Variants in SYN3 observed in about 807,000 individuals in gnomAD.
SYN3 encodes synapsin III, also known as synapsin-3.
A neutral mutation model predicts 65.8 loss-of-function variants in SYN3; 35 were observed. The observed-to-expected ratio is 0.53, with a 90% CI of 0.41 to 0.70. The LOEUF is 0.70. Ranked by LOEUF, SYN3 falls within the 30% of genes least tolerant of loss-of-function variation. The probability of loss-of-function intolerance (pLI) is 0.00; values close to 1 mark genes in which losing one functional copy is unlikely to be tolerated. For missense variants in SYN3, 680 were observed against 749.0 expected (o/e 0.91, Z 1.08); for synonymous variants, 270 against 292.9 (o/e 0.92, Z 0.80).
intron 6 of SYN3, among the ~76,000 whole-genome samples, chr22:32,663,931 T>A (rs1206585112): frequency 7.4e-6 from 1 of 135,430 alleles, no homozygotes; most frequent in Non-Finnish European, 1.5e-5. Flanking sequence ...TTAACAGCAT[T>A]CCCCCCCCAC....
chr22:33,043,030 T>C (rs1399365852), intron 1 of SYN3, among the ~76,000 whole-genome samples: 4 of 151,928 alleles, frequency 2.6e-5, no homozygotes, highest in South Asian at 2.1e-4. Context: ...GGAAGAAAAA[T>C]AGAAAGTTTC....
At chr22:32,741,419 G>T (rs567314847) in intron 6 of SYN3, among the ~76,000 whole-genome samples, 1 of 142,610 alleles carries the variant, frequency 7.0e-6, no homozygotes, top group African/African-American at 2.6e-5. Context: ...GCAGTGGCGT[G>T]ATCTCAGCTC....
chr22:32,819,093 AG>A, intron 6 of SYN3, among the ~76,000 whole-genome samples: 1 of 152,366 alleles, frequency 6.6e-6, no homozygotes, highest in Admixed American at 6.5e-5. Flanking sequence ...CCACTTGGCC[AG>A]GGGGTCACAG....
chr22:32,910,177 G>A (rs2050015820), intron 4 of SYN3, among the ~76,000 whole-genome samples: 1 of 152,138 alleles, frequency 6.6e-6, no homozygotes, highest in Admixed American at 6.5e-5. Flanking sequence ...AAATGAATGG[G>A]TTAGGCTAGC....
At position 32,511,738 on chromosome 22, in the gene SYN3, C is replaced by T. The variant is rs2057693638; in HGVS notation, c.*1954G>A. Among the ~76,000 whole-genome samples, 5 of 152,192 alleles carry T rather than the reference C, an allele frequency of 3.3e-5. 1 individual carries two copies. The South Asian group carries it at 1.0e-3, about 31-fold the overall frequency. On this transcript the variant is annotated 3_prime_UTR_variant, in exon 14 of 14. Coordinates refer to ENST00000358763, the MANE Select transcript of SYN3 (RefSeq NM_003490.4). ...GCCTGAGCCTACCAGTCTCCAGCTGCCAAATTATGGCTCCCAATAGTCACT... is the reference window on the plus strand; with the variant it reads ...GCCTGAGCCTACCAGTCTCCAGCTGTCAAATTATGGCTCCCAATAGTCACT...
rs371129732 is a variant in SYN3, at chr22:32,685,105, G to A, written c.712-88369C>T. Among the ~76,000 whole-genome samples, 499 of 152,140 alleles carry A rather than the reference G, an allele frequency of 3.3e-3. 2 individuals carry two copies. The highest frequency in any genetic ancestry group is 0.011 in the African/African-American group (462 of 41,500). On this transcript the variant is annotated intron_variant, in intron 6 of 13. Transcript: ENST00000358763. Reference sequence around the variant, plus strand: ...GAGCCAGGTGACAGACTTTATGGCCGGCAAGCAGAAAAGTAACATTATGTC... The same window carrying A: ...GAGCCAGGTGACAGACTTTATGGCCAGCAAGCAGAAAAGTAACATTATGTC...
At chr22:32,589,748 G>A (rs2059102587) in intron 7 of SYN3, among the ~76,000 whole-genome samples, 1 of 152,104 alleles carries the variant, frequency 6.6e-6, no homozygotes, top group African/African-American at 2.4e-5. Flanking sequence ...AATCCTCCAT[G>A]TTTCTGAAGA....
intron 6 of SYN3, among the ~76,000 whole-genome samples, chr22:32,709,589 AAAGT>A (rs1340521187): frequency 6.6e-6 from 1 of 152,226 alleles, no homozygotes; most frequent in Non-Finnish European, 1.5e-5. Context: ...TCCAAATGTG[AAAGT>A]AATAATCTCA....
chr22:32,966,367 T>A (rs906578003), intron 3 of SYN3, among the ~76,000 whole-genome samples: 3 of 152,112 alleles, frequency 2.0e-5, no homozygotes, highest in African/African-American at 7.2e-5. Context: ...CAAGATGGTA[T>A]TACCATGGGT....
At chr22:32,695,860 A>T (rs534706549) in intron 6 of SYN3, among the ~76,000 whole-genome samples, 1 of 152,016 alleles carries the variant, frequency 6.6e-6, no homozygotes, top group Non-Finnish European at 1.5e-5. Flanking sequence ...CCAATAAATG[A>T]TTATTTATTC....
rs56235324 is a variant in SYN3, at chr22:33,002,318, T to G, written c.311+4034A>C. On this transcript the variant is annotated intron_variant, in intron 2 of 13. Coordinates refer to ENST00000358763, the MANE Select transcript of SYN3 (RefSeq NM_003490.4). ...TGGTCTGAATCTGCTGAACATACTTTAATGTTGACTTTACATAGAGTATGC... is the reference window on the plus strand; with the variant it reads ...TGGTCTGAATCTGCTGAACATACTTGAATGTTGACTTTACATAGAGTATGC... Among the ~76,000 whole-genome samples, 885 of 152,334 alleles carry G rather than the reference T, an allele frequency of 5.8e-3. 7 individuals are homozygous for G. The highest frequency in any genetic ancestry group is 0.028 in the South Asian group (136 of 4,818).
intron 4 of SYN3, among the ~76,000 whole-genome samples, chr22:32,920,504 G>A (rs1274587761): frequency 6.6e-6 from 1 of 152,140 alleles, no homozygotes; most frequent in African/African-American, 2.4e-5. Flanking sequence ...GCCACCCTGG[G>A]TTTGGGTTTG....
intron 6 of SYN3, among the ~76,000 whole-genome samples, chr22:32,795,724 T>A (rs1168302306): frequency 6.6e-6 from 1 of 151,864 alleles, no homozygotes; most frequent in African/African-American, 2.4e-5. Flanking sequence ...ACCTGAGGAG[T>A]CTGCCAAGAA....
intron 4 of SYN3, 140 bp from the exon 5 acceptor site, chr22:32,869,265 G>T: frequency 1.3e-6 from 1 of 777,914 alleles, no homozygotes; most frequent in Non-Finnish European, 2.0e-6. Flanking sequence ...GGGGGATGAG[G>T]GCAGTTAAAT....
At chr22:32,666,869 CA>C (rs1279153125) in intron 6 of SYN3, among the ~76,000 whole-genome samples, 1 of 152,140 alleles carries the variant, frequency 6.6e-6, no homozygotes, top group African/African-American at 2.4e-5. Context: ...AAGGATTTAC[CA>C]AGGAATAATG....
chr22:33,023,564 A>G (rs1200808426), intron 1 of SYN3, among the ~76,000 whole-genome samples: 1 of 152,080 alleles, frequency 6.6e-6, no homozygotes, highest in Non-Finnish European at 1.5e-5. Context: ...AAAAATCAAA[A>G]ACTTTGCCAT....
chr22:32,558,973 G>T (rs1342801719), intron 7 of SYN3, among the ~76,000 whole-genome samples: 1 of 152,230 alleles, frequency 6.6e-6, no homozygotes, highest in African/African-American at 2.4e-5. Flanking sequence ...TGATGACAGT[G>T]ATTGTAATAA....
At chr22:32,835,275 C>T (rs2047697518) in intron 6 of SYN3, among the ~76,000 whole-genome samples, 1 of 152,168 alleles carries the variant, frequency 6.6e-6, no homozygotes, top group South Asian at 2.1e-4. Flanking sequence ...TACTATGTTC[C>T]AGACACTGTG....
intron 6 of SYN3, among the ~76,000 whole-genome samples, chr22:32,644,791 T>TGGCTGCCTGGGGC (rs1193666913): frequency 6.6e-6 from 1 of 152,058 alleles, no homozygotes; most frequent in Admixed American, 6.6e-5. Context: ...ATTCCTGGGG[T>TGGCTGCCTGGGGC]GGCTGCCTGG....
Sources: gnomAD v4.1 joint callset for allele counts (sites outside exome capture counted in the v4.1 genomes callset) on GRCh38, gnomAD v4.1.1 for gene constraint, MANE v1.5 for transcripts, NCBI Gene and HGNC (gene_info 2026-07-23, HGNC 2026-07-21) for gene names.